Variants in CFAP57 observed in about 807,000 individuals in gnomAD.
CFAP57 encodes the protein cilia- and flagella-associated protein 57.
In CFAP57, 116 loss-of-function variants were observed where a neutral mutation model predicts 146.8. The observed-to-expected ratio is 0.79, with a 90% CI of 0.68 to 0.92. CFAP57 has a LOEUF of 0.92. Ranked by LOEUF, CFAP57 falls within the 40% of genes least tolerant of loss-of-function variation. The pLI, the probability that CFAP57 is intolerant of heterozygous loss-of-function variation, is 0.00. For synonymous variants in CFAP57, 518 were observed against 552.8 expected (o/e 0.94, Z 0.88); for missense variants, 1,377 against 1,527.2 (o/e 0.90, Z 1.64).
chr1:43,203,673 A>T (rs910590032), intron 9 of CFAP57, among the ~76,000 whole-genome samples: 1 of 152,034 alleles, frequency 6.6e-6, no homozygotes, highest in East Asian at 1.9e-4. Context: ...TTTGGCCAGG[A>T]TGGTCTCGAT....
intron 16 of CFAP57, 129 bp downstream of exon 16, chr1:43,223,126 G>A (rs1021917523): frequency 1.6e-5 from 17 of 1,057,142 alleles, no homozygotes; most frequent in Non-Finnish European, 2.1e-5. Flanking sequence ...CGAGCAGGCT[G>A]GGAGAAGAGC....
At chr1:43,233,582 G>A (rs1032245260) in intron 19 of CFAP57, among the ~76,000 whole-genome samples, 6 of 152,064 alleles carry the variant, frequency 3.9e-5, no homozygotes, top group African/African-American at 1.4e-4. Flanking sequence ...AGCTATAAAC[G>A]AGAACTGATA....
chr1:43,215,327 T>G lies in CFAP57; in HGVS notation c.2002T>G (p.Phe668Val), dbSNP rs1255099569. The G allele has an allele frequency of 6.4e-7, 1 of 1,551,186 alleles. No homozygotes were observed. Among genetic ancestry groups the G allele is most frequent in the Non-Finnish European group, 8.7e-7 (1 of 1,147,136 alleles). The change falls in exon 12 of 23, where the codon TTT (phenylalanine) becomes GTT (valine). Residue 668 changes from phenylalanine (F) to valine (V), a missense_variant. By Grantham distance (50) the Phe-to-Val change is conservative (BLOSUM62 -1). Coordinates refer to ENST00000372492, the MANE Select transcript of CFAP57 (RefSeq NM_001378189.1). The stretch of plus-strand genomic sequence containing the variant: ...TGGCTGCCTGTTCACCTGGAAGGTC[T>G]TTGATAAGGATGGCCGGGGAATCAA... ...EDGCLFTWKV[F>V]DKDGRGIKRE...
At chr1:43,236,432 T>C (rs1285449744) in intron 21 of CFAP57, among the ~76,000 whole-genome samples, 1 of 151,918 alleles carries the variant, frequency 6.6e-6, no homozygotes, top group African/African-American at 2.4e-5. Context: ...ACCACTCCTC[T>C]GCCAGGAGAC....
intron 14 of CFAP57, 24 bp downstream of exon 14, chr1:43,221,489 G>A (rs1001995537): frequency 1.4e-5 from 21 of 1,456,520 alleles, no homozygotes; most frequent in South Asian, 4.4e-5. Flanking sequence ...TAGAGGCCTC[G>A]TTGGTTAGGG....
chr1:43,254,306 T>G lies in CFAP57; in HGVS notation c.*115T>G. ...CCCTGCAGCACTGACCCCAGCAACCTCTTTCTCTTGCCCTGGGGAATTTGG... is the reference window on the plus strand; with the variant it reads ...CCCTGCAGCACTGACCCCAGCAACCGCTTTCTCTTGCCCTGGGGAATTTGG... On this transcript the variant is annotated 3_prime_UTR_variant, in exon 23 of 23. Transcript: ENST00000372492. The G allele has an allele frequency of 1.1e-6, 1 of 896,446 alleles. No homozygotes were observed. The highest frequency in any genetic ancestry group is 1.9e-5 in the South Asian group (1 of 53,582). The allele number at this position is 896,446 out of a possible 1,614,324, so 55.5% of individuals were successfully genotyped here.
chr1:43,225,857 G>A (rs1240841505), intron 17 of CFAP57, among the ~76,000 whole-genome samples: 5 of 152,136 alleles, frequency 3.3e-5, no homozygotes, highest in Non-Finnish European at 5.9e-5. Flanking sequence ...TACTATCACC[G>A]TGCAACAAAT....
chr1:43,215,743 C>G (rs1160928699), intron 12 of CFAP57, among the ~76,000 whole-genome samples: 1 of 152,262 alleles, frequency 6.6e-6, no homozygotes, highest in Non-Finnish European at 1.5e-5. Context: ...GTTCCTAGCA[C>G]ATGCTGGGCA....
Position 43,181,673 on chromosome 1 carries a change from T to G in CFAP57, c.297T>G (p.Val99=). The G allele has an allele frequency of 6.2e-7, 1 of 1,614,218 alleles. No individual in the cohort carries two copies. ...CCATCCCTTGCCGGAAGCGCAAAGT[T>G]CTTAATAATTTTGACTTCCAAGTTC... The part of the protein sequence containing the change: ...LSSIPCRKRK[V]LNNFDFQVQK... The change falls in exon 3 of 23, where the codon GTT becomes GTG. Residue 99 remains valine (V), a synonymous_variant. Transcript: ENST00000372492.
rs2124563705 is a variant in CFAP57 at position 43,222,828 on chromosome 1, A to G, written c.2537A>G (p.Gln846Arg). The G allele has an allele frequency of 1.3e-6, 2 of 1,541,128 alleles. No homozygotes were observed. The highest frequency in any genetic ancestry group is 4.9e-5 in the East Asian group (2 of 40,806). Residue 846 changes from glutamine (Q) to arginine (R), a missense_variant, in exon 16 of 23, where the codon CAG (glutamine) becomes CGG (arginine). Coordinates refer to ENST00000372492, the MANE Select transcript of CFAP57 (RefSeq NM_001378189.1). ...CGCCCACTCTCTCTGAGCCAGGCAC[A>G]GGAAGACGTCAGGCAGCAGCTGCGG... is the stretch of plus-strand genomic sequence containing the variant. ...QEKTTLLEEAQEDVRQQLREF... is the reference protein window; with the variant it reads ...QEKTTLLEEAREDVRQQLREF...
At chr1:43,215,920 A>C (rs773520314) in intron 12 of CFAP57, among the ~76,000 whole-genome samples, 57 of 152,248 alleles carry the variant, frequency 3.7e-4, no homozygotes, top group Non-Finnish European at 6.0e-4. Context: ...TAATAGGACT[A>C]GAGTTCTAAT....
chr1:43,251,659 A>G (rs1455129276), intron 22 of CFAP57, among the ~76,000 whole-genome samples: 1 of 152,268 alleles, frequency 6.6e-6, no homozygotes, highest in African/African-American at 2.4e-5. Flanking sequence ...TATTGTATGG[A>G]AAAGAGAAAT....
chr1:43,222,381 G>A, intron 15 of CFAP57, 86 bp downstream of exon 15: 2 of 1,233,322 alleles, frequency 1.6e-6, no homozygotes, highest in Non-Finnish European at 2.1e-6. Flanking sequence ...GCCACTGTAT[G>A]CCAGGATGTG....
At chr1:43,179,902 A>G (rs1209765739) in intron 2 of CFAP57, among the ~76,000 whole-genome samples, 1 of 152,056 alleles carries the variant, frequency 6.6e-6, no homozygotes, top group Non-Finnish European at 1.5e-5. Context: ...CTTCATTAAA[A>G]AATGTTTAAA....
At chr1:43,244,529 A>G (rs1340303597) in intron 22 of CFAP57, among the ~76,000 whole-genome samples, 1 of 152,204 alleles carries the variant, frequency 6.6e-6, no homozygotes, top group Non-Finnish European at 1.5e-5. Context: ...AGTTGAAACA[A>G]GAGTAAACCC....
chr1:43,204,116 T>C (rs533007614), intron 9 of CFAP57, among the ~76,000 whole-genome samples: 2 of 152,352 alleles, frequency 1.3e-5, no homozygotes, highest in South Asian at 4.1e-4. Flanking sequence ...CTGTTGAGCC[T>C]TCCAGTGAAT....
chr1:43,235,283 C>T (rs955445554), intron 21 of CFAP57, among the ~76,000 whole-genome samples: 26 of 152,154 alleles, frequency 1.7e-4, no homozygotes, highest in African/African-American at 4.1e-4. Context: ...CCATTACTGC[C>T]GCCTCCACAC....
At chr1:43,219,869 G>A (rs1644976967) in intron 13 of CFAP57, among the ~76,000 whole-genome samples, 1 of 152,138 alleles carries the variant, frequency 6.6e-6, no homozygotes, top group African/African-American at 2.4e-5. Context: ...TGAGGCATGA[G>A]AATCATCTGA....
At position 43,254,017 on chromosome 1, in the gene CFAP57, G is replaced by C. The variant is rs1472516635; in HGVS notation, c.3579G>C (p.Arg1193Ser). ...TGCTCAGCACAGCTCCCACCGCAAGGTTGAATGAGCAAGAAGAAACTGGGA... is the reference window on the plus strand; with the variant it reads ...TGCTCAGCACAGCTCCCACCGCAAGCTTGAATGAGCAAGAAGAAACTGGGA... ...RDMLSTAPTA[R>S]LNEQEETGRI... is the part of the protein sequence containing the mutation. The change falls in exon 23 of 23, where the codon AGG becomes AGC. Residue 1193 changes from arginine to serine, a missense_variant. Coordinates refer to ENST00000372492, the MANE Select transcript of CFAP57 (RefSeq NM_001378189.1). 1 of 1,550,598 alleles carries C rather than the reference G, an allele frequency of 6.4e-7. No homozygotes were observed. The highest frequency in any genetic ancestry group is 8.7e-7 in the Non-Finnish European group (1 of 1,147,010).
Sources: gnomAD v4.1 joint callset for allele counts (sites outside exome capture counted in the v4.1 genomes callset) on GRCh38, gnomAD v4.1.1 for gene constraint, MANE v1.5 for transcripts, NCBI Gene and HGNC (gene_info 2026-07-23, HGNC 2026-07-21) for gene names.